PCLO: variants seen among roughly 807,000 people sequenced by gnomAD.
PCLO encodes protein piccolo.
PCLO carries 82 observed loss-of-function variants against 427.5 expected under a neutral mutation model. The ratio of observed to expected loss-of-function variants is 0.19; its 90% CI spans 0.16 to 0.23. The LOEUF (loss-of-function observed/expected upper bound fraction) is 0.23. Ranked by LOEUF, PCLO falls within the 10% of genes least tolerant of loss-of-function variation. The pLI is 1.00. For synonymous variants in PCLO, 2,357 were observed against 2,155.4 expected (o/e 1.09, Z -2.59); for missense variants, 6,239 against 6,115.9 (o/e 1.02, Z -0.67).
chr7:82,888,901 C>T (rs867175743), intron 9 of PCLO, among the ~76,000 whole-genome samples: 5 of 152,090 alleles, frequency 3.3e-5, no homozygotes, highest in African/African-American at 9.7e-5. Flanking sequence ...TTAGATGCTG[C>T]GTAATTTTCT....
intron 3 of PCLO, among the ~76,000 whole-genome samples, chr7:83,116,639 G>A (rs1409281039): frequency 1.3e-5 from 2 of 152,112 alleles, no homozygotes; most frequent in Non-Finnish European, 2.9e-5. Flanking sequence ...TTTTTGTGGT[G>A]AGAACACTTT....
In PCLO at chr7:82,916,469, C is replaced by G. The variant is rs756808475; in HGVS notation, c.11517G>C (p.Val3839=). 24 of 1,613,628 alleles carry G rather than the reference C, an allele frequency of 1.5e-5. No homozygotes were observed. The highest frequency in any genetic ancestry group is 1.9e-5 in the Non-Finnish European group (23 of 1,179,782). The part of the protein sequence containing the change: ...EDRDYMSDSE[V]SSTRPTRIES... ...CTATTCGGGTTGGTCTTGTGCTACT[C>G]ACTTCACTGTCAGACATGTAATCAC... Residue 3839 remains valine (V), a synonymous_variant, in exon 7 of 25, where the codon GTG becomes GTC. Coordinates refer to ENST00000333891, the MANE Select transcript of PCLO (RefSeq NM_033026.6).
intron 3 of PCLO, among the ~76,000 whole-genome samples, chr7:83,005,234 C>A (rs1787918221): frequency 6.6e-6 from 1 of 151,522 alleles, no homozygotes; most frequent in African/African-American, 2.4e-5. Context: ...ATCATTCAGC[C>A]TTAAAAATGA....
intron 3 of PCLO, among the ~76,000 whole-genome samples, chr7:83,070,860 T>G (rs1328052345): frequency 6.6e-6 from 1 of 152,190 alleles, no homozygotes; most frequent in Non-Finnish European, 1.5e-5. Context: ...CAGCTTTCTG[T>G]CTACTTCCTT....
At position 82,952,181 on chromosome 7, in the gene PCLO, T is replaced by C. The variant is rs762909023; in HGVS notation, c.8772A>G (p.Ile2924Met). 1.2e-6 allele frequency: 2 copies of C among 1,613,756 alleles called. No individual in the cohort carries two copies. The highest frequency in any genetic ancestry group is 1.7e-6 in the Non-Finnish European group (2 of 1,179,848). ...ESTSSVMTKI[I>M]EDEKPVDLTA... ...TTAAATCAACGGGTTTTTCATCTTC[T>C]ATTATTTTGGTCATCACACTTGAAG... Residue 2924 changes from isoleucine to methionine, a missense_variant, in exon 5 of 25, where the codon ATA becomes ATG. Ile to Met is a conservative substitution (Grantham distance 10). Transcript: ENST00000333891.
At chr7:82,965,316 CTTTTT>C (rs544516132) in intron 4 of PCLO, among the ~76,000 whole-genome samples, 1 of 123,054 alleles carries the variant, frequency 8.1e-6, no homozygotes, top group Non-Finnish European at 1.7e-5. Flanking sequence ...TTCTTTCTTT[CTTTTT>C]TTTTTTTTTT....
intron 3 of PCLO, among the ~76,000 whole-genome samples, chr7:83,075,733 C>T: frequency 6.6e-6 from 1 of 152,084 alleles, no homozygotes; most frequent in South Asian, 2.1e-4. Context: ...TACACACATA[C>T]ACACACATAT....
Position 82,953,197 on chromosome 7 carries a change from G to A in PCLO, c.7756C>T (p.Pro2586Ser). ...LTETYVVITL[P>S]SEPGTPTDSS... ...TCTGTTGGAGTCCCTGGTTCAGATG[G>A]CAATGTAATAACTACATAAGTTTCT... Residue 2586 changes from proline (P) to serine (S), a missense_variant, in exon 5 of 25, where the codon CCA becomes TCA. Physicochemically the swap from Pro to Ser is moderately conservative, Grantham distance 74. Transcript: ENST00000333891. 6.2e-7 allele frequency: 1 copy of A among 1,613,918 alleles called. No individual in the cohort carries two copies. Among genetic ancestry groups the A allele is most frequent in the Non-Finnish European group, 8.5e-7 (1 of 1,179,846 alleles).
intron 22 of PCLO, among the ~76,000 whole-genome samples, chr7:82,770,626 A>T (rs1790627971): frequency 6.6e-6 from 1 of 151,886 alleles, no homozygotes. Context: ...CTGTTCACTA[A>T]TCTTTTTCTA....
Position 82,830,994 on chromosome 7 carries a change from T to C in PCLO, c.14250-3028A>G, listed in dbSNP as rs79451964. Among the ~76,000 whole-genome samples, 1,490 of 152,166 alleles carry C rather than the reference T, an allele frequency of 9.8e-3. 21 individuals carry two copies. The highest frequency in any genetic ancestry group is 0.012 in the Non-Finnish European group (841 of 67,922). On this transcript the variant is annotated intron_variant, in intron 16 of 24. Coordinates refer to ENST00000333891, the MANE Select transcript of PCLO (RefSeq NM_033026.6). ...ATCAACTAAAAAACCCTTAATTGTA[T>C]TGACATATGAGTATATATTTAATTC...
At chr7:82,970,229 G>A (rs145404811) in intron 3 of PCLO, among the ~76,000 whole-genome samples, 2,549 of 152,116 alleles carry the variant, frequency 0.017, 31 homozygotes, top group Non-Finnish European at 0.025. Flanking sequence ...GAAGAGGCAA[G>A]TTGAGATTCT....
intron 3 of PCLO, among the ~76,000 whole-genome samples, chr7:83,063,731 C>A (rs1467864327): frequency 1.3e-5 from 2 of 152,022 alleles, no homozygotes; most frequent in East Asian, 1.9e-4. Context: ...TCTCCTATTG[C>A]CCTTTTTCTG....
chr7:83,024,290 C>G (rs1037764280), intron 3 of PCLO, among the ~76,000 whole-genome samples: 1 of 152,100 alleles, frequency 6.6e-6, no homozygotes, highest in African/African-American at 2.4e-5. Context: ...TTGCCTCACT[C>G]GGGAAGCGCA....
rs1463808056 is a variant in PCLO at position 82,966,372 on chromosome 7, A to G, written c.3416T>C (p.Val1139Ala). ...PSGPKASPMP[V>A]PTESSSQKTA... The stretch of plus-strand genomic sequence containing the variant: ...TTTCTGAGATGATGATTCTGTAGGA[A>G]CAGGCATAGGAGATGCTTTGGGTCC... The change falls in exon 4 of 25, where the codon GTT becomes GCT. Residue 1139 changes from valine (V) to alanine (A), a missense_variant. Physicochemically the swap from Val to Ala is moderately conservative, Grantham distance 64. This residue lies in a region of PCLO where 4,677 missense variants were observed against 4,468.4 expected (regional missense o/e 1.05). Transcript: ENST00000333891. The G allele has an allele frequency of 6.2e-7, 1 of 1,613,818 alleles. No homozygotes were observed.
At chr7:83,089,527 G>T (rs1372095802) in intron 3 of PCLO, among the ~76,000 whole-genome samples, 7 of 152,046 alleles carry the variant, frequency 4.6e-5, no homozygotes, top group Non-Finnish European at 1.0e-4. Context: ...CTTGGCTCAG[G>T]CATCAAACCA....
intron 3 of PCLO, among the ~76,000 whole-genome samples, chr7:82,984,332 T>C (rs1415668415): frequency 6.6e-6 from 1 of 151,882 alleles, no homozygotes; most frequent in Admixed American, 6.6e-5. Flanking sequence ...TCTTGAATTA[T>C]TACAAAACAG....
intron 3 of PCLO, among the ~76,000 whole-genome samples, chr7:83,021,144 A>G (rs1193000260): frequency 6.6e-6 from 1 of 152,076 alleles, no homozygotes; most frequent in Non-Finnish European, 1.5e-5. Context: ...AGTGACCTCA[A>G]TTTTACAGCC....
At chr7:82,937,336 G>GTTT (rs199635218) in intron 6 of PCLO, among the ~76,000 whole-genome samples, 1 of 137,492 alleles carries the variant, frequency 7.3e-6, no homozygotes, top group Non-Finnish European at 1.6e-5. Flanking sequence ...CCACACTACA[G>GTTT]TTTTTTTTTT....
chr7:82,992,034 A>C (rs1439920740), intron 3 of PCLO, among the ~76,000 whole-genome samples: 2 of 152,156 alleles, frequency 1.3e-5, no homozygotes, highest in African/African-American at 2.4e-5. Flanking sequence ...AACATATTTT[A>C]AGAAAGATTT....
Sources: allele counts gnomAD v4.1 joint callset (sites outside exome capture counted in the v4.1 genomes callset), GRCh38; gene constraint gnomAD v4.1.1; regional missense constraint gnomAD v4.1.1; transcripts MANE v1.5; gene names NCBI Gene and HGNC (gene_info 2026-07-23, HGNC 2026-07-21).